Variants in BCL9L observed in about 807,000 individuals in gnomAD.
The protein encoded by BCL9L is BCL9 like.
In BCL9L, 19 loss-of-function variants were observed where a neutral mutation model predicts 99.4. That is an observed-to-expected ratio of 0.19 (90% confidence interval 0.13 to 0.28). The LOEUF (loss-of-function observed/expected upper bound fraction) is 0.28. Ranked by LOEUF, BCL9L falls within the 10% of genes least tolerant of loss-of-function variation. The probability of loss-of-function intolerance (pLI) is 1.00; values close to 1 mark genes in which losing one functional copy is unlikely to be tolerated. For missense variants in BCL9L, 2,023 were observed against 2,101.6 expected (o/e 0.96, Z 0.73); for synonymous variants, 900 against 854.8 (o/e 1.05, Z -0.92).
Position 118,902,100 on chromosome 11 carries a change from T to G in BCL9L, c.1643A>C (p.Asp548Ala), listed in dbSNP as rs1940273972. 6.2e-7 allele frequency: 1 copy of G among 1,613,958 alleles called. No individual in the cohort carries two copies. Among genetic ancestry groups the G allele is most frequent in the African/African-American group, 1.3e-5 (1 of 74,950 alleles). ...CATCATGCCCCCCATGCCCATCATG[T>G]CCTGCAGAGGACGGCTCCCATGCAG... is the stretch of plus-strand genomic sequence containing the variant. ...IGLHGSRPLQ[D>A]MMGMGGMMVR... Residue 548 changes from aspartate to alanine, a missense_variant, in exon 8 of 10, where the codon GAC (aspartate) becomes GCC (alanine). Asp to Ala is a moderately radical substitution (Grantham distance 126, BLOSUM62 -2). Coordinates refer to ENST00000683865, the MANE Select transcript of BCL9L (RefSeq NM_001378213.1). The surrounding 1 kb of genome is among the most constrained non-coding windows in gnomAD (Gnocchi z 7.8).
chr11:118,916,340 T>C (rs1940962212), intron 2 of BCL9L, among the ~76,000 whole-genome samples: 1 of 152,120 alleles, frequency 6.6e-6, no homozygotes, highest in Non-Finnish European at 1.5e-5. Flanking sequence ...CCAGAAGATT[T>C]TACCCACCTT....
chr11:118,907,398 C>T (rs757413513), intron 5 of BCL9L, 85 bp downstream of exon 5: 1 of 1,602,370 alleles, frequency 6.2e-7, no homozygotes, highest in Non-Finnish European at 8.5e-7. Flanking sequence ...TCCCAGTCCT[C>T]ACTTCTTTCC....
chr11:118,901,089 G>A lies in BCL9L; in HGVS notation c.2654C>T (p.Thr885Ile). ...GGGCAGAGGCATGTGGCTGAGCCGG[G>A]TGGTGCCCACGTTGCTCATGGGCAT... is the stretch of plus-strand genomic sequence containing the variant. ...SSMPMSNVGT[T>I]RLSHMPLPPA... The change falls in exon 8 of 10, where the codon ACC becomes ATC. Residue 885 changes from threonine to isoleucine, a missense_variant. Physicochemically the swap from Thr to Ile is moderately conservative, Grantham distance 89 (BLOSUM62 -1). Around this residue, in one of 3 missense-constraint regions of BCL9L, gnomAD observed 902 missense variants for 888.2 expected, o/e 1.02. Transcript: ENST00000683865. This position sits in a 1 kb window ranked among gnomAD's most constrained non-coding sequence, Gnocchi z 6.6. The A allele has an allele frequency of 1.2e-6, 2 of 1,607,760 alleles. No individual in the cohort carries two copies. The highest frequency in any genetic ancestry group is 1.7e-6 in the Non-Finnish European group (2 of 1,176,066).
intron 2 of BCL9L, 132 bp from the exon 3 acceptor site, chr11:118,910,147 GATTACGA>G: frequency 1.6e-6 from 1 of 641,268 alleles, no homozygotes; most frequent in South Asian, 1.8e-5. Context: ...GGAAAAAGAG[GATTACGA>G]GATGGGGTCT....
rs1940001624 is a variant in BCL9L, at chr11:118,898,188, T to C, written c.*227A>G. On this transcript the variant is annotated 3_prime_UTR_variant, in exon 10 of 10. Transcript: ENST00000683865. ...AGGAGTGGGGGAGGGGCAGTCCTGG[T>C]GGCCGAAATGGAACCAACCCCAATG... 1.6e-6 allele frequency: 1 copy of C among 618,690 alleles called. No homozygotes were observed. The highest frequency in any genetic ancestry group is 2.8e-6 in the Non-Finnish European group (1 of 358,350). The allele number at this position is 618,690 out of a possible 1,614,324, so 38.3% of individuals were successfully genotyped here.
At position 118,903,038 on chromosome 11, in the gene BCL9L, G is replaced by T; in HGVS notation, c.786C>A (p.Ser262=). The T allele has an allele frequency of 6.3e-7, 1 of 1,592,872 alleles. No homozygotes were observed. The highest frequency in any genetic ancestry group is 8.5e-7 in the Non-Finnish European group (1 of 1,173,848). The change falls in exon 7 of 10, where the codon TCC becomes TCA. Residue 262 remains serine (S), a synonymous_variant. Transcript: ENST00000683865. This position sits in a 1 kb window ranked among gnomAD's most constrained non-coding sequence, Gnocchi z 5.6. The part of the protein sequence containing the change: ...AEAVLQGRAD[S]ILAYHQQNVP... ...CGTTCTGCTGGTGGTAGGCGAGGAT[G>T]GAGTCGGCCCGGCCCTGCAGCACTG...
rs1346629552 is a variant in BCL9L, at chr11:118,903,691, G to A, written c.533-239C>T. 2.0e-5 allele frequency among the ~76,000 whole-genome samples: 3 copies of A among 152,194 alleles called. No individual in the cohort carries two copies. Among genetic ancestry groups the A allele is most frequent in the Non-Finnish European group, 2.9e-5 (2 of 68,030 alleles). On this transcript the variant is annotated intron_variant, in intron 5 of 9. Transcript: ENST00000683865. The surrounding 1 kb of genome is among the most constrained non-coding windows in gnomAD (Gnocchi z 5.6). Reference sequence around the variant, plus strand: ...GCTCCCATGGGCCTGGCATTCTGCTGGGGACTTAACAGGTGTGATTTCATC... The same window carrying A: ...GCTCCCATGGGCCTGGCATTCTGCTAGGGACTTAACAGGTGTGATTTCATC...
intron 1 of BCL9L, among the ~76,000 whole-genome samples, chr11:118,924,697 C>T (rs1419780590): frequency 1.3e-5 from 2 of 152,192 alleles, no homozygotes; most frequent in Non-Finnish European, 2.9e-5. Flanking sequence ...TGTATGACTG[C>T]CCCACCCCCC....
At position 118,898,247 on chromosome 11, in the gene BCL9L, TA is replaced by T; in HGVS notation, c.*167del. 1 of 985,976 alleles carries T rather than the reference TA, an allele frequency of 1.0e-6. No individual in the cohort carries two copies. The highest frequency in any genetic ancestry group is 1.4e-6 in the Non-Finnish European group (1 of 692,294). The allele number at this position is 985,976 out of a possible 1,614,324, so 61.1% of individuals were successfully genotyped here. ...CCCACCCCACACTGCCACTTCCCCCTAAGCTGCCAGCACATCTGGTTTCCAC... is the reference window on the plus strand; with the variant it reads ...CCCACCCCACACTGCCACTTCCCCCTAGCTGCCAGCACATCTGGTTTCCAC... On this transcript the variant is annotated 3_prime_UTR_variant, in exon 10 of 10. Coordinates refer to ENST00000683865, the MANE Select transcript of BCL9L (RefSeq NM_001378213.1).
Position 118,901,886 on chromosome 11 carries a change from A to T in BCL9L, c.1857T>A (p.Ser619Arg). 1 of 1,613,664 alleles carries T rather than the reference A, an allele frequency of 6.2e-7. No individual in the cohort carries two copies. The highest frequency in any genetic ancestry group is 8.5e-7 in the Non-Finnish European group (1 of 1,179,718). ...QRVPGFGGMQ[S>R]MPMEVPMNAM... ...CATTCATGGGCACCTCCATGGGCAT[A>T]CTCTGCATGCCCCCAAACCCAGGTA... The change falls in exon 8 of 10, where the codon AGT becomes AGA. Residue 619 changes from serine to arginine, a missense_variant. By Grantham distance (110) the Ser-to-Arg change is moderately radical. This residue lies in a region of BCL9L where 1,116 missense variants were observed against 1,194.6 expected (regional missense o/e 0.93). Transcript: ENST00000683865. This position sits in a 1 kb window ranked among gnomAD's most constrained non-coding sequence, Gnocchi z 6.6.
At chr11:118,913,570 A>G (rs1431647091) in intron 2 of BCL9L, among the ~76,000 whole-genome samples, 1 of 152,032 alleles carries the variant, frequency 6.6e-6, no homozygotes. Flanking sequence ...GGGGAGGGGT[A>G]GAGAGGGGGT....
At position 118,900,009 on chromosome 11, in the gene BCL9L, T is replaced by C; in HGVS notation, c.3314A>G (p.Asn1105Ser). ...AMPSSTPLYH[N>S]AIKTIATSDD... ...TGAGGTGGCGATGGTCTTGATGGCA[T>C]TGTGGTAGAGCGGGGTGGAGCTGGG... Residue 1105 changes from asparagine (N) to serine (S), a missense_variant, in exon 9 of 10, where the codon AAT (asparagine) becomes AGT (serine). Physicochemically the swap from Asn to Ser is conservative, Grantham distance 46. Transcript: ENST00000683865. This position sits in a 1 kb window ranked among gnomAD's most constrained non-coding sequence, Gnocchi z 5.3. The C allele has an allele frequency of 6.2e-7, 1 of 1,613,824 alleles. No homozygotes were observed. Among genetic ancestry groups the C allele is most frequent in the Non-Finnish European group, 8.5e-7 (1 of 1,179,932 alleles).
At position 118,910,118 on chromosome 11, in the gene BCL9L, G is replaced by A; in HGVS notation, c.-76-103C>T. The A allele has an allele frequency of 5.1e-6, 4 of 781,870 alleles. No homozygotes were observed. In the South Asian group the frequency reaches 6.7e-5, roughly 13 times the overall value. 48.4% of individuals were successfully genotyped at this position (781,870 alleles called of 1,614,324 possible). ...CAACAGCCCTGGGACTAGGGAGCTG[G>A]ATAGGGTGGGGTGGCACTGGAAAAA... On this transcript the variant is annotated intron_variant, in intron 2 of 9. Coordinates refer to ENST00000683865, the MANE Select transcript of BCL9L (RefSeq NM_001378213.1).
In BCL9L at chr11:118,903,070, C is replaced by T. The variant is rs891791040; in HGVS notation, c.754G>A (p.Ala252Thr). 3 of 1,577,276 alleles carry T rather than the reference C, an allele frequency of 1.9e-6. No homozygotes were observed. Among genetic ancestry groups the T allele is most frequent in the Middle Eastern group, 1.7e-4 (1 of 6,016 alleles). ...GCCCGGCCCTGCAGCACTGCCTCTG[C>T]AGCCCTGCACAGAGTGGGGGCACCG... ...VFTTHLANTA[A>T]EAVLQGRADS... The change falls in exon 7 of 10, where the codon GCA becomes ACA. Residue 252 changes from alanine (A) to threonine (T), a missense_variant. This residue lies in a region of BCL9L where 1,116 missense variants were observed against 1,194.6 expected (regional missense o/e 0.93). Transcript: ENST00000683865. The surrounding 1 kb of genome is among the most constrained non-coding windows in gnomAD (Gnocchi z 5.6).
chr11:118,898,288 ACACAAGCCCCCTCCCACCCCCTC>A lies in BCL9L; in HGVS notation c.*104_*126del. The stretch of plus-strand genomic sequence containing the variant: ...CTGGTTTCCACAAATGCCACTCCCT[ACACAAGCCCCCTCCCACCCCCTC>A]CACCCCACCCCGCGACCCAGGCCAT... On this transcript the variant is annotated 3_prime_UTR_variant, in exon 10 of 10. Coordinates refer to ENST00000683865, the MANE Select transcript of BCL9L (RefSeq NM_001378213.1). The A allele has an allele frequency of 1.1e-6, 1 of 912,008 alleles. No individual in the cohort carries two copies. The highest frequency in any genetic ancestry group is 1.6e-6 in the Non-Finnish European group (1 of 632,550). The allele number at this position is 912,008 out of a possible 1,614,324, so 56.5% of individuals were successfully genotyped here.
intron 2 of BCL9L, among the ~76,000 whole-genome samples, chr11:118,917,040 C>G (rs1395489838): frequency 1.3e-5 from 2 of 152,208 alleles, no homozygotes; most frequent in Non-Finnish European, 2.9e-5. Flanking sequence ...GCGAGGGAGA[C>G]GTGTCCTAAG....
rs2137694340 is a variant in BCL9L at position 118,902,093 on chromosome 11, C to T, written c.1650G>A (p.Met550Ile). The change falls in exon 8 of 10, where the codon ATG becomes ATA. Residue 550 changes from methionine to isoleucine, a missense_variant. Around this residue, in one of 3 missense-constraint regions of BCL9L, gnomAD observed 1,116 missense variants for 1,194.6 expected, o/e 0.93. Transcript: ENST00000683865. This position sits in a 1 kb window ranked among gnomAD's most constrained non-coding sequence, Gnocchi z 7.8. Reference protein sequence around the residue: ...LHGSRPLQDMMGMGGMMVRGP... With the variant: ...LHGSRPLQDMIGMGGMMVRGP... ...CCCTCACCATCATGCCCCCCATGCC[C>T]ATCATGTCCTGCAGAGGACGGCTCC... 6.2e-7 allele frequency: 1 copy of T among 1,614,168 alleles called. No individual in the cohort carries two copies. Among genetic ancestry groups the T allele is most frequent in the South Asian group, 1.1e-5 (1 of 91,086 alleles).
chr11:118,909,343 C>T (rs1337873075), intron 3 of BCL9L, among the ~76,000 whole-genome samples: 2 of 152,168 alleles, frequency 1.3e-5, no homozygotes, highest in East Asian at 3.9e-4. Flanking sequence ...GCCCTTTAAG[C>T]TCCAGCCCGC....
Position 118,910,013 on chromosome 11 carries a change from G to T in BCL9L, c.-74C>A. 3.1e-6 allele frequency: 5 copies of T among 1,604,232 alleles called. No homozygotes were observed. The highest frequency in any genetic ancestry group is 4.3e-6 in the Non-Finnish European group (5 of 1,172,598). ...AGCCAGGTACTCGGTACTGGAGCACGGACTGCAGCAACAAGCCCCAAAGAG... is the reference window on the plus strand; with the variant it reads ...AGCCAGGTACTCGGTACTGGAGCACTGACTGCAGCAACAAGCCCCAAAGAG... On this transcript the variant is annotated splice_region_variant and 5_prime_UTR_variant, in exon 3 of 10. Transcript: ENST00000683865.
Sources: gnomAD v4.1 joint callset for allele counts (sites outside exome capture counted in the v4.1 genomes callset) on GRCh38, gnomAD v4.1.1 for gene constraint, gnomAD v4.1.1 regional missense constraint, Gnocchi (gnomAD v3.1) non-coding constraint, MANE v1.5 for transcripts, NCBI Gene and HGNC (gene_info 2026-07-23, HGNC 2026-07-21) for gene names.